Variants in ARRDC3 observed in about 807,000 individuals in gnomAD.
ARRDC3 encodes arrestin domain-containing protein 3.
A neutral mutation model predicts 47.2 loss-of-function variants in ARRDC3; 10 were observed. The ratio of observed to expected loss-of-function variants is 0.21; its 90% CI spans 0.13 to 0.36. The LOEUF is 0.36. Among genes scored for constraint, ARRDC3 ranks in the 10% least tolerant of loss-of-function variants. The probability of loss-of-function intolerance (pLI) is 1.00; values close to 1 mark genes in which losing one functional copy is unlikely to be tolerated. For synonymous variants in ARRDC3, 156 were observed against 178.3 expected, an observed-to-expected ratio of 0.87 and a Z score of 1.00; for missense variants, 381 against 503.6, an observed-to-expected ratio of 0.76 and a Z score of 2.33.
At chr5:91,377,213 A>C (rs1799324202) in intron 2 of ARRDC3, among the ~76,000 whole-genome samples, 2 of 152,232 alleles carry the variant, frequency 1.3e-5, no homozygotes, top group Non-Finnish European at 1.5e-5. Context: ...ATCATCTTTT[A>C]ATAGCAACTA....
intron 2 of ARRDC3, among the ~76,000 whole-genome samples, chr5:91,378,406 G>A (rs1272716879): frequency 1.3e-5 from 2 of 151,820 alleles, no homozygotes; most frequent in East Asian, 1.9e-4. Flanking sequence ...GTTATTATTC[G>A]ACTAGCAACT....
intron 1 of ARRDC3, among the ~76,000 whole-genome samples, chr5:91,379,070 T>C: frequency 6.6e-6 from 1 of 152,056 alleles, no homozygotes; most frequent in East Asian, 1.9e-4. Flanking sequence ...TATAAAATAG[T>C]ATATATACTC....
chr5:91,381,807 A>G (rs912705852), intron 1 of ARRDC3, among the ~76,000 whole-genome samples: 1 of 152,200 alleles, frequency 6.6e-6, no homozygotes, highest in African/African-American at 2.4e-5. Flanking sequence ...AGTCATCGCC[A>G]CCACCTGACG....
chr5:91,371,319 G>C lies in ARRDC3; in HGVS notation c.*81C>G. 2 of 1,252,124 alleles carry C rather than the reference G, an allele frequency of 1.6e-6. No individual in the cohort carries two copies. Among genetic ancestry groups the C allele is most frequent in the African/African-American group, 1.5e-5 (1 of 66,370 alleles). 77.6% of individuals were successfully genotyped at this position (1,252,124 alleles called of 1,614,324 possible). A position where few individuals can be genotyped will look rare whatever the true frequency, so the allele number is the denominator to read the frequency against. On this transcript the variant is annotated 3_prime_UTR_variant, in exon 8 of 8. Coordinates refer to ENST00000265138, the MANE Select transcript of ARRDC3 (RefSeq NM_020801.4). ...AGTAATTCCACTTCCTCTGAAACGT[G>C]TCTCCAAGATACTTCTCTGTCCTCA... is the stretch of plus-strand genomic sequence containing the variant.
Position 91,375,016 on chromosome 5 carries a change from T to C in ARRDC3, c.776A>G (p.Lys259Arg). 6.2e-7 allele frequency: 1 copy of C among 1,614,254 alleles called. No individual in the cohort carries two copies. Among genetic ancestry groups the C allele is most frequent in the South Asian group, 1.1e-5 (1 of 91,090 alleles). The change falls in exon 5 of 8, where the codon AAG (lysine) becomes AGG (arginine). Residue 259 changes from lysine (K) to arginine (R), a missense_variant. Transcript: ENST00000265138. ...CAACTTGCCATTCCACGTCTCTGTC[T>C]TTCCAGATGATAAGGATTCCCCACG... ...NLRGESLSSG[K>R]TETWNGKLLK...
In ARRDC3 at chr5:91,373,728, AT is replaced by A; in HGVS notation, c.1143del (p.Tyr382IlefsTer39). On this transcript the variant is annotated frameshift_variant, in exon 7 of 8. Coordinates refer to ENST00000265138, the MANE Select transcript of ARRDC3 (RefSeq NM_020801.4). LOFTEE classifies it high-confidence loss of function. Reference protein sequence around the residue: ...FERALQGPLFAYIQEFRFLPP... With the variant: ...FERALQGPLFXYIQEFRFLPP... ...GGCAAGAATCGAAACTCCTGGATAT[AT>A]GCAAACAGTGGTCCTTGAAGGGCTC... 1.2e-6 allele frequency: 2 copies of A among 1,614,076 alleles called. No individual in the cohort carries two copies. The highest frequency in any genetic ancestry group is 1.7e-6 in the Non-Finnish European group (2 of 1,179,946).
rs952787605 is a variant in ARRDC3 at position 91,369,316 on chromosome 5, C to T, written c.*2084G>A. 2.0e-5 allele frequency: 3 copies of T among 152,296 alleles called. No individual in the cohort carries two copies. The highest frequency in any genetic ancestry group is 2.9e-5 in the Non-Finnish European group (2 of 67,978). The allele number at this position is 152,296 out of a possible 1,614,324, so 9.4% of individuals were successfully genotyped here. A position where few individuals can be genotyped will look rare whatever the true frequency, so the allele number is the denominator to read the frequency against. Reference sequence around the variant, plus strand: ...CAAACAAAAATAAAACCACCAAATGCCCTTTATGCCAAATATTCCATTAGC... The same window carrying T: ...CAAACAAAAATAAAACCACCAAATGTCCTTTATGCCAAATATTCCATTAGC... On this transcript the variant is annotated 3_prime_UTR_variant, in exon 8 of 8. Transcript: ENST00000265138.
chr5:91,375,910 A>C (rs535797728), intron 3 of ARRDC3, among the ~76,000 whole-genome samples: 1 of 152,256 alleles, frequency 6.6e-6, no homozygotes, highest in African/African-American at 2.4e-5. Context: ...AGTAATCAAA[A>C]ACCAACCAAA....
rs1008371259 is a variant in ARRDC3 at position 91,368,765 on chromosome 5, A to G, written c.*2635T>C. ...AAAACAAAACACTTTATTTTCCACA[A>G]GGAAGAGCAATAGGAAAAATTAAAT... On this transcript the variant is annotated 3_prime_UTR_variant, in exon 8 of 8. Coordinates refer to ENST00000265138, the MANE Select transcript of ARRDC3 (RefSeq NM_020801.4). 6.6e-6 allele frequency: 1 copy of G among 152,654 alleles called. No individual in the cohort carries two copies. The highest frequency in any genetic ancestry group is 1.5e-5 in the Non-Finnish European group (1 of 68,052). The allele number at this position is 152,654 out of a possible 1,614,324, so 9.5% of individuals were successfully genotyped here.
Position 91,375,161 on chromosome 5 carries a change from A to G in ARRDC3, c.631T>C (p.Phe211Leu), listed in dbSNP as rs774018758. 2 of 1,613,434 alleles carry G rather than the reference A, an allele frequency of 1.2e-6. No individual in the cohort carries two copies. Among genetic ancestry groups the G allele is most frequent in the South Asian group, 1.1e-5 (1 of 91,084 alleles). ...GYTPGESIQI[F>L]AEIENCSSRM... is the part of the protein sequence containing the mutation. ...GAAGAGCAGTTCTCAATCTCAGCAA[A>G]TATCTGAATTGATTCACCTAGAGAG... Residue 211 changes from phenylalanine to leucine, a missense_variant, in exon 5 of 8, where the codon TTT becomes CTT. Coordinates refer to ENST00000265138, the MANE Select transcript of ARRDC3 (RefSeq NM_020801.4).
At chr5:91,377,489 T>C (rs771566750) in intron 2 of ARRDC3, among the ~76,000 whole-genome samples, 5 of 152,068 alleles carry the variant, frequency 3.3e-5, no homozygotes, top group African/African-American at 4.8e-5. Context: ...TTTTTCATAA[T>C]TTCATTAGTA....
chr5:91,371,652 C>T (rs572399001), intron 7 of ARRDC3, among the ~76,000 whole-genome samples, 196 bp from the exon 8 acceptor site: 2 of 152,152 alleles, frequency 1.3e-5, no homozygotes, highest in Admixed American at 1.3e-4. Context: ...TTGGTACCTA[C>T]AGTACCTGAT....
In ARRDC3 at chr5:91,374,942, G is replaced by A. The variant is rs1372725760; in HGVS notation, c.850C>T (p.Arg284Cys). 9.3e-6 allele frequency: 15 copies of A among 1,613,964 alleles called. No individual in the cohort carries two copies. The highest frequency in any genetic ancestry group is 4.4e-5 in the South Asian group (4 of 91,080). The stretch of plus-strand genomic sequence containing the variant: ...CATACCATTAGTGAATATTCCACGC[G>A]GATTATACTACAGTCGAGGATAGAG... ...SPSILDCSII[R>C]VEYSLMVYVD... is the part of the protein sequence containing the mutation. The change falls in exon 5 of 8, where the codon CGC (arginine) becomes TGC (cysteine). Residue 284 changes from arginine (R) to cysteine (C), a missense_variant. Physicochemically the swap from Arg to Cys is radical, Grantham distance 180 (BLOSUM62 -3). Coordinates refer to ENST00000265138, the MANE Select transcript of ARRDC3 (RefSeq NM_020801.4).
Position 91,370,668 on chromosome 5 carries a change from AGT to A in ARRDC3, c.*730_*731del, listed in dbSNP as rs1056361024. On this transcript the variant is annotated 3_prime_UTR_variant, in exon 8 of 8. Transcript: ENST00000265138. ...AACCAAGAAGGTATACAATCTTGAC[AGT>A]CTCTTATTAGCTTCCTCCTCTTATC... The A allele has an allele frequency of 6.6e-6, 1 of 152,604 alleles. No individual in the cohort carries two copies. The highest frequency in any genetic ancestry group is 2.4e-5 in the African/African-American group (1 of 41,464). 9.5% of individuals were successfully genotyped at this position (152,604 alleles called of 1,614,324 possible).
At chr5:91,373,650 C>A in intron 7 of ARRDC3, 34 bp downstream of exon 7, 1 of 1,557,212 alleles carries the variant, frequency 6.4e-7, no homozygotes, top group Non-Finnish European at 8.8e-7. Flanking sequence ...CCAAGATAGC[C>A]AGTTCATTTC....
At position 91,371,158 on chromosome 5, in the gene ARRDC3, T is replaced by C; in HGVS notation, c.*242A>G. 2.0e-6 allele frequency: 1 copy of C among 493,520 alleles called. No homozygotes were observed. The allele number at this position is 493,520 out of a possible 1,614,324, so 30.6% of individuals were successfully genotyped here. On this transcript the variant is annotated 3_prime_UTR_variant, in exon 8 of 8. Coordinates refer to ENST00000265138, the MANE Select transcript of ARRDC3 (RefSeq NM_020801.4). Reference sequence around the variant, plus strand: ...ACGTACGACCATAGGCTAAGAAGACTGCTCTGAGTATGTGCCAGTTTTAAA... The same window carrying C: ...ACGTACGACCATAGGCTAAGAAGACCGCTCTGAGTATGTGCCAGTTTTAAA...
At chr5:91,377,253 C>T (rs1001407810) in intron 2 of ARRDC3, among the ~76,000 whole-genome samples, 2 of 152,124 alleles carry the variant, frequency 1.3e-5, no homozygotes, top group Non-Finnish European at 2.9e-5. Flanking sequence ...CTGGAATAGT[C>T]ATTATAGTTT....
At chr5:91,380,366 G>C (rs1217430836) in intron 1 of ARRDC3, 1 of 152,598 alleles carries the variant, frequency 6.6e-6, no homozygotes, top group Non-Finnish European at 1.5e-5. Context: ...GCCCCAGCCG[G>C]CGACCGGTTC....
At chr5:91,379,680 CT>C (rs1308919948) in intron 1 of ARRDC3, among the ~76,000 whole-genome samples, 1 of 151,438 alleles carries the variant, frequency 6.6e-6, no homozygotes, top group Non-Finnish European at 1.5e-5. Context: ...ATTAAAGTGC[CT>C]ATTTAGCGTT....
Sources: allele counts gnomAD v4.1 joint callset (sites outside exome capture counted in the v4.1 genomes callset), GRCh38; gene constraint gnomAD v4.1.1; transcripts MANE v1.5; gene names NCBI Gene and HGNC (gene_info 2026-07-23, HGNC 2026-07-21).